Variants in ELAPOR2 observed in about 807,000 individuals in gnomAD.
ELAPOR2 encodes endosome/lysosome-associated apoptosis and autophagy regulator family member 2.
A neutral mutation model predicts 120.7 loss-of-function variants in ELAPOR2; 89 were observed. That is an observed-to-expected ratio of 0.74 (90% confidence interval 0.62 to 0.88). ELAPOR2 has a LOEUF of 0.88. ELAPOR2 is among the 40% of genes least tolerant of loss of function. ELAPOR2 has a pLI of 0.00. For missense variants in ELAPOR2, 1,134 were observed against 1,251.6 expected, an observed-to-expected ratio of 0.91 and a Z score of 1.42; for synonymous variants, 444 against 444.9, an observed-to-expected ratio of 1.00 and a Z score of 0.03.
chr7:86,983,876 A>G (rs926914494), intron 1 of ELAPOR2, among the ~76,000 whole-genome samples: 4 of 152,372 alleles, frequency 2.6e-5, no homozygotes, highest in Middle Eastern at 3.4e-3. Context: ...ACCCCAATTA[A>G]AAGACACAGA....
intron 16 of ELAPOR2, 131 bp downstream of exon 16, chr7:86,909,681 C>A (rs1789203483): frequency 2.7e-6 from 2 of 753,802 alleles, no homozygotes; most frequent in Non-Finnish European, 4.1e-6. Flanking sequence ...AACCATCTTA[C>A]AAAGTGACAA....
chr7:86,910,105 T>C (rs1361833168), intron 15 of ELAPOR2, 104 bp from the exon 16 acceptor site: 2 of 819,386 alleles, frequency 2.4e-6, no homozygotes, highest in African/African-American at 1.8e-5. Flanking sequence ...CTCTCCTCAC[T>C]GCAAGGATTC....
intron 1 of ELAPOR2, among the ~76,000 whole-genome samples, chr7:87,024,210 T>C (rs1251321942): frequency 1.3e-5 from 2 of 152,184 alleles, no homozygotes; most frequent in South Asian, 2.1e-4. Context: ...TTGTCGTAGA[T>C]AGCTCTCATT....
At chr7:86,972,972 CATT>C (rs764975025) in intron 1 of ELAPOR2, among the ~76,000 whole-genome samples, 4 of 152,126 alleles carry the variant, frequency 2.6e-5, no homozygotes, top group Non-Finnish European at 5.9e-5. Flanking sequence ...ATTTTCATGA[CATT>C]AACCCACTTG....
intron 1 of ELAPOR2, among the ~76,000 whole-genome samples, chr7:86,986,945 G>C (rs7385488): frequency 6.7e-6 from 1 of 149,616 alleles, no homozygotes; most frequent in Non-Finnish European, 1.5e-5. Flanking sequence ...ACTTCAAACT[G>C]TACTACAAGG....
chr7:86,890,180 C>G (rs969109726), intron 21 of ELAPOR2, among the ~76,000 whole-genome samples: 1 of 152,066 alleles, frequency 6.6e-6, no homozygotes, highest in South Asian at 2.1e-4. Flanking sequence ...CTCCATGGTT[C>G]TCTTTCATTT....
chr7:86,949,909 T>C (rs568210584), intron 2 of ELAPOR2, among the ~76,000 whole-genome samples: 1 of 152,304 alleles, frequency 6.6e-6, no homozygotes, highest in South Asian at 2.1e-4. Flanking sequence ...TGGAAGGGGA[T>C]GGGTCCCACA....
intron 1 of ELAPOR2, among the ~76,000 whole-genome samples, chr7:86,977,158 A>C (rs1031737905): frequency 6.6e-6 from 1 of 152,204 alleles, no homozygotes; most frequent in Non-Finnish European, 1.5e-5. Context: ...TCATTGTGCT[A>C]AGTTCACAAT....
intron 18 of ELAPOR2, among the ~76,000 whole-genome samples, chr7:86,899,983 A>G (rs1289235506): frequency 6.6e-6 from 1 of 152,110 alleles, no homozygotes; most frequent in Non-Finnish European, 1.5e-5. Flanking sequence ...GATTAGTAAA[A>G]AGCAACTCAA....
intron 1 of ELAPOR2, among the ~76,000 whole-genome samples, chr7:87,000,561 C>A (rs1793285456): frequency 6.6e-6 from 1 of 152,130 alleles, no homozygotes; most frequent in African/African-American, 2.4e-5. Flanking sequence ...CTGCTGCTTT[C>A]ATTATTCTGC....
At chr7:87,057,154 C>T (rs1795288603) in intron 1 of ELAPOR2, among the ~76,000 whole-genome samples, 1 of 152,200 alleles carries the variant, frequency 6.6e-6, no homozygotes, top group Admixed American at 6.5e-5. Context: ...GCGTTTAGCC[C>T]ACAATCCCAT....
chr7:86,897,436 G>A, intron 19 of ELAPOR2, 70 bp downstream of exon 19: 2 of 1,544,096 alleles, frequency 1.3e-6, no homozygotes, highest in South Asian at 2.4e-5. Flanking sequence ...CTGGACCTGA[G>A]TTTCTATGAT....
rs1562910052 is a variant in ELAPOR2, at chr7:86,905,131, G to GGAAGGAAGGAAGGAAAGA, written c.2558+2538_2558+2539insTCTTTCCTTCCTTCCTTC. On this transcript the variant is annotated intron_variant, in intron 18 of 21. Transcript: ENST00000450689. ...GGAAGGAAGGAAGGAAGGAAGGAAA[G>GGAAGGAAGGAAGGAAAGA]AAAGAAAAGAAAAGAAAGAAGAGAG... Among the ~76,000 whole-genome samples the GGAAGGAAGGAAGGAAAGA allele has an allele frequency of 2.1e-5, 3 of 142,156 alleles. No individual in the cohort carries two copies. The East Asian group carries it at 6.0e-4, about 28-fold the overall frequency. 93.3% of individuals were successfully genotyped at this position (142,156 alleles called of 152,430 possible). A position where few individuals can be genotyped will look rare whatever the true frequency, so the allele number is the denominator to read the frequency against.
At chr7:86,945,079 T>C (rs2116369277) in intron 3 of ELAPOR2, 33 bp from the exon 4 acceptor site, 1 of 1,539,370 alleles carries the variant, frequency 6.5e-7, no homozygotes, top group East Asian at 2.5e-5. Flanking sequence ...CACTTTACAT[T>C]AATGTTCTGA....
At chr7:86,986,480 C>G (rs1792744675) in intron 1 of ELAPOR2, among the ~76,000 whole-genome samples, 1 of 144,830 alleles carries the variant, frequency 6.9e-6, no homozygotes, top group South Asian at 2.2e-4. Flanking sequence ...TCTCCTTAAG[C>G]TGATAAGCAA....
chr7:86,985,673 AT>A (rs576684302), intron 1 of ELAPOR2, among the ~76,000 whole-genome samples: 5 of 152,116 alleles, frequency 3.3e-5, no homozygotes, highest in African/African-American at 7.2e-5. Context: ...TACACTAGGT[AT>A]TTTTTTTAAT....
chr7:86,939,607 G>T (rs1381403366), intron 6 of ELAPOR2, among the ~76,000 whole-genome samples: 3 of 152,126 alleles, frequency 2.0e-5, no homozygotes, highest in Admixed American at 6.6e-5. Context: ...GTTTAGGAAA[G>T]AGTCAGGTCA....
intron 21 of ELAPOR2, among the ~76,000 whole-genome samples, chr7:86,888,177 G>T (rs1188164154): frequency 1.3e-5 from 2 of 152,056 alleles, no homozygotes; most frequent in Non-Finnish European, 2.9e-5. Flanking sequence ...CCCTATCATG[G>T]CCCACATGGA....
At chr7:86,992,331 T>C (rs980130169) in intron 1 of ELAPOR2, among the ~76,000 whole-genome samples, 4 of 152,170 alleles carry the variant, frequency 2.6e-5, no homozygotes, top group Non-Finnish European at 4.4e-5. Flanking sequence ...TTGGGAGGGC[T>C]GAGGCAGGAG....
Sources: allele counts gnomAD v4.1 joint callset (sites outside exome capture counted in the v4.1 genomes callset), GRCh38; gene constraint gnomAD v4.1.1; transcripts MANE v1.5; gene names NCBI Gene and HGNC (gene_info 2026-07-23, HGNC 2026-07-21).